The following CACNA1I variants were observed in gnomAD, a reference collection of about 807,000 sequenced individuals.
The protein encoded by CACNA1I is voltage-dependent T-type calcium channel subunit alpha-1I.
In CACNA1I, 74 loss-of-function variants were observed where a neutral mutation model predicts 201.6. That is an observed-to-expected ratio of 0.37 (90% CI 0.30 to 0.45). The LOEUF (loss-of-function observed/expected upper bound fraction) is 0.45, where lower values mean the gene tolerates loss of function less well. CACNA1I is among the 20% of genes least tolerant of loss of function. CACNA1I has a pLI of 1.00. For missense variants in CACNA1I, 2,346 were observed against 3,138.1 expected (o/e 0.75, Z 6.03); for synonymous variants, 1,431 against 1,345.2 (o/e 1.06, Z -1.40).
At chr22:39,572,017 G>A (rs1698076924) in intron 1 of CACNA1I, among the ~76,000 whole-genome samples, 1 of 152,252 alleles carries the variant, frequency 6.6e-6, no homozygotes, top group East Asian at 1.9e-4. Flanking sequence ...CAGGAGCGAA[G>A]CCTGGAGAAG....
At chr22:39,588,903 C>G (rs1001027741) in intron 1 of CACNA1I, among the ~76,000 whole-genome samples, 3 of 152,226 alleles carry the variant, frequency 2.0e-5, no homozygotes, top group Non-Finnish European at 4.4e-5. Flanking sequence ...GCTTCTGTTT[C>G]CCAGCAGAGA....
At position 39,677,297 on chromosome 22, in the gene CACNA1I, C is replaced by G. The variant is rs775693858; in HGVS notation, c.4855-44C>G. ...ACCCTTCCCAGGCCTGGTGCGCCCC[C>G]ACCCGCTCCCCAGCCCCACCCGGCC... On this transcript the variant is annotated intron_variant, in intron 29 of 36. Coordinates refer to ENST00000402142, the MANE Select transcript of CACNA1I (RefSeq NM_021096.4). This position sits in a 1 kb window ranked among gnomAD's most constrained non-coding sequence, Gnocchi z 4.8. The G allele has an allele frequency of 2.9e-6, 4 of 1,395,446 alleles. No homozygotes were observed. The highest frequency in any genetic ancestry group is 1.2e-5 in the South Asian group (1 of 81,390). The allele number at this position is 1,395,446 out of a possible 1,614,324, so 86.4% of individuals were successfully genotyped here.
rs201536056 is a variant in CACNA1I at position 39,641,088 on chromosome 22, G to A, written c.962G>A (p.Arg321His). The A allele has an allele frequency of 4.3e-6, 7 of 1,614,036 alleles. No individual in the cohort carries two copies. Among genetic ancestry groups the A allele is most frequent in the Admixed American group, 3.3e-5 (2 of 60,028 alleles). The change falls in exon 6 of 37, where the codon CGT becomes CAT. Residue 321 changes from arginine (R) to histidine (H), a missense_variant. This residue lies in a region of CACNA1I where 227 missense variants were observed against 412.5 expected (regional missense o/e 0.55). Transcript: ENST00000402142. The part of the protein sequence containing the change: ...NASGLCVNWN[R>H]YYNVCRTGSA... ...AGCGGCCTCTGTGTCAACTGGAACC[G>A]TTACTACAATGTGTGCCGCACGGGC...
chr22:39,679,467 G>A (rs1313777120), intron 32 of CACNA1I, 22 bp downstream of exon 32: 2 of 1,406,590 alleles, frequency 1.4e-6, no homozygotes, highest in Non-Finnish European at 1.8e-6. Flanking sequence ...CTGGAGAGGT[G>A]TGAGGGTCGC....
intron 1 of CACNA1I, among the ~76,000 whole-genome samples, chr22:39,581,349 A>G (rs1273139956): frequency 6.6e-6 from 1 of 152,154 alleles, no homozygotes; most frequent in East Asian, 1.9e-4. Context: ...GAGGATGTGC[A>G]TGAGGATGGA....
intron 31 of CACNA1I, 137 bp from the exon 32 acceptor site, chr22:39,678,970 G>A: frequency 1.5e-6 from 1 of 655,286 alleles, no homozygotes; most frequent in Non-Finnish European, 2.6e-6. Context: ...GGCAGAGTGG[G>A]GCAGGGCAGC....
Position 39,684,549 on chromosome 22 carries a change from G to T in CACNA1I, c.6027+51G>T, listed in dbSNP as rs1935801087. The T allele has an allele frequency of 6.4e-7, 1 of 1,573,424 alleles. No homozygotes were observed. Among genetic ancestry groups the T allele is most frequent in the African/African-American group, 1.4e-5 (1 of 73,976 alleles). Reference sequence around the variant, plus strand: ...GCACTGGTCTGTGGGCAAGGGGCAGGATCTAAGCCAGGCCTGGAAGTCCAA... The same window carrying T: ...GCACTGGTCTGTGGGCAAGGGGCAGTATCTAAGCCAGGCCTGGAAGTCCAA... On this transcript the variant is annotated intron_variant, in intron 36 of 36. Transcript: ENST00000402142. This position sits in a 1 kb window ranked among gnomAD's most constrained non-coding sequence, Gnocchi z 4.6.
rs777804283 is a variant in CACNA1I at position 39,648,156 on chromosome 22, C to G, written c.1567+230C>G. The stretch of plus-strand genomic sequence containing the variant: ...TCTGGAAAGCCCTGTCCTTCCAGCT[C>G]TCACAGTCTGGGAATCGATTCTTGG... On this transcript the variant is annotated intron_variant, in intron 9 of 36. Coordinates refer to ENST00000402142, the MANE Select transcript of CACNA1I (RefSeq NM_021096.4). This position sits in a 1 kb window ranked among gnomAD's most constrained non-coding sequence, Gnocchi z 5.4. Among the ~76,000 whole-genome samples, 1 of 152,154 alleles carries G rather than the reference C, an allele frequency of 6.6e-6. No individual in the cohort carries two copies. Among genetic ancestry groups the G allele is most frequent in the Non-Finnish European group, 1.5e-5 (1 of 68,018 alleles).
In CACNA1I at chr22:39,687,245, C is replaced by T. The variant is rs1306789748; in HGVS notation, c.*840C>T. The T allele has an allele frequency of 6.6e-6, 1 of 152,230 alleles. No individual in the cohort carries two copies. The highest frequency in any genetic ancestry group is 2.4e-5 in the African/African-American group (1 of 41,348). The allele number at this position is 152,230 out of a possible 1,614,324, so 9.4% of individuals were successfully genotyped here. A position where few individuals can be genotyped will look rare whatever the true frequency, so the allele number is the denominator to read the frequency against. Reference sequence around the variant, plus strand: ...ACTTCTGAGGGGGTGGGTTCCACCCCCAGGAGGGCGGGGGTGGGTGGAGCA... The same window carrying T: ...ACTTCTGAGGGGGTGGGTTCCACCCTCAGGAGGGCGGGGGTGGGTGGAGCA... On this transcript the variant is annotated 3_prime_UTR_variant, in exon 37 of 37. Coordinates refer to ENST00000402142, the MANE Select transcript of CACNA1I (RefSeq NM_021096.4).
rs1935527855 is a variant in CACNA1I, at chr22:39,676,894, G to T, written c.4855-447G>T. ...CATTCAACCTTGGTAGCCACTCAAGGCGTGTAGCATAGATTGTGTGCATGG... is the reference window on the plus strand; with the variant it reads ...CATTCAACCTTGGTAGCCACTCAAGTCGTGTAGCATAGATTGTGTGCATGG... On this transcript the variant is annotated intron_variant, in intron 29 of 36. Coordinates refer to ENST00000402142, the MANE Select transcript of CACNA1I (RefSeq NM_021096.4). The surrounding 1 kb of genome is among the most constrained non-coding windows in gnomAD (Gnocchi z 4.8). 1.3e-5 allele frequency among the ~76,000 whole-genome samples: 2 copies of T among 152,194 alleles called. No individual in the cohort carries two copies. Among genetic ancestry groups the T allele is most frequent in the Non-Finnish European group, 2.9e-5 (2 of 68,028 alleles).
intron 1 of CACNA1I, among the ~76,000 whole-genome samples, chr22:39,587,453 A>C (rs1932767473): frequency 6.6e-6 from 1 of 152,170 alleles, no homozygotes; most frequent in Non-Finnish European, 1.5e-5. Flanking sequence ...GTCTCAGCTC[A>C]ATCACTGTGT....
chr22:39,669,926 G>T, intron 24 of CACNA1I, 112 bp from the exon 25 acceptor site: 1 of 1,202,830 alleles, frequency 8.3e-7, no homozygotes, highest in Non-Finnish European at 1.2e-6. Flanking sequence ...CCACCTTCCT[G>T]GAGGCAGGCT....
chr22:39,594,754 G>A (rs1234362976), intron 1 of CACNA1I, among the ~76,000 whole-genome samples: 1 of 152,104 alleles, frequency 6.6e-6, no homozygotes, highest in African/African-American at 2.4e-5. Flanking sequence ...GGAGGGGTGA[G>A]GGGTTTGCTT....
At chr22:39,630,104 G>A (rs141198529) in intron 4 of CACNA1I, among the ~76,000 whole-genome samples, 109 of 152,128 alleles carry the variant, frequency 7.2e-4, no homozygotes, top group African/African-American at 2.5e-3. Context: ...GGCTGCCTCC[G>A]ACTTGAGGGC....
At chr22:39,623,391 C>G (rs909911022) in intron 4 of CACNA1I, among the ~76,000 whole-genome samples, 1 of 151,502 alleles carries the variant, frequency 6.6e-6, no homozygotes, top group African/African-American at 2.4e-5. Context: ...AATGTGAAAG[C>G]CTGCACACGT....
intron 1 of CACNA1I, among the ~76,000 whole-genome samples, chr22:39,588,741 C>T (rs1419818149): frequency 6.6e-6 from 1 of 152,196 alleles, no homozygotes; most frequent in African/African-American, 2.4e-5. Flanking sequence ...TCAAGAAGAA[C>T]ATCTCCAGTC....
chr22:39,644,972 G>A (rs898926957), intron 7 of CACNA1I, among the ~76,000 whole-genome samples: 1 of 152,026 alleles, frequency 6.6e-6, no homozygotes, highest in African/African-American at 2.4e-5. Context: ...ACAGGCATGA[G>A]CCGCAGCCCC....
chr22:39,624,032 G>A, intron 4 of CACNA1I, among the ~76,000 whole-genome samples: 1 of 150,514 alleles, frequency 6.6e-6, no homozygotes, highest in African/African-American at 2.4e-5. Flanking sequence ...GTGCCTGTGA[G>A]GGTATGTGTG....
intron 18 of CACNA1I, 75 bp from the exon 19 acceptor site, chr22:39,663,643 C>T: frequency 1.3e-6 from 2 of 1,582,774 alleles, no homozygotes; most frequent in Non-Finnish European, 1.7e-6. Flanking sequence ...GCACTGCTGC[C>T]TGGGCCCTCT....
Sources: gnomAD v4.1 joint callset for allele counts (sites outside exome capture counted in the v4.1 genomes callset) on GRCh38, gnomAD v4.1.1 for gene constraint, gnomAD v4.1.1 regional missense constraint, Gnocchi (gnomAD v3.1) non-coding constraint, MANE v1.5 for transcripts, NCBI Gene and HGNC (gene_info 2026-07-23, HGNC 2026-07-21) for gene names.